GSG1L: variants seen among roughly 807,000 people sequenced by gnomAD.
The protein encoded by GSG1L is GSG1 like, also known as germ cell-specific gene 1-like protein.
GSG1L carries 24 observed loss-of-function variants against 42.1 expected under a neutral mutation model. The ratio of observed to expected loss-of-function variants is 0.57; its 90% CI spans 0.41 to 0.80. The LOEUF (loss-of-function observed/expected upper bound fraction) is 0.80. Among genes scored for constraint, GSG1L ranks in the 30% least tolerant of loss-of-function variants. The probability of loss-of-function intolerance (pLI) is 0.00; values close to 1 mark genes in which losing one functional copy is unlikely to be tolerated. For missense variants in GSG1L, 445 were observed against 472.2 expected (o/e 0.94, Z 0.53); for synonymous variants, 215 against 203.5 (o/e 1.06, Z -0.48).
intron 2 of GSG1L, among the ~76,000 whole-genome samples, chr16:27,932,278 C>G (rs909453476): frequency 6.6e-6 from 1 of 152,096 alleles, no homozygotes; most frequent in Non-Finnish European, 1.5e-5. Context: ...GTCTTGAACT[C>G]CTGACCTCAA....
chr16:27,985,376 ACCT>A (rs2085369697), intron 1 of GSG1L, among the ~76,000 whole-genome samples: 1 of 151,454 alleles, frequency 6.6e-6, no homozygotes, highest in Non-Finnish European at 1.5e-5. Context: ...AAGAGCCTGC[ACCT>A]CCTCCTCTCT....
chr16:28,015,324 C>G (rs898997870), intron 1 of GSG1L, among the ~76,000 whole-genome samples: 13 of 152,198 alleles, frequency 8.5e-5, no homozygotes, highest in Non-Finnish European at 1.6e-4. Context: ...GGCAACATAG[C>G]AAGACCCCTG....
chr16:27,948,488 C>G (rs954678700), intron 2 of GSG1L, among the ~76,000 whole-genome samples: 2 of 152,140 alleles, frequency 1.3e-5, no homozygotes, highest in Non-Finnish European at 2.9e-5. Flanking sequence ...ATTCTCCTGC[C>G]TTGGCCTCCC....
At chr16:28,053,274 C>A (rs1276988844) in intron 1 of GSG1L, among the ~76,000 whole-genome samples, 1 of 152,240 alleles carries the variant, frequency 6.6e-6, no homozygotes, top group East Asian at 1.9e-4. Context: ...GTGTGAATGA[C>A]TAATAAAAAT....
intron 1 of GSG1L, among the ~76,000 whole-genome samples, chr16:27,973,439 C>CAAAAAAAAAAAAAAAAAAAAAAAAAAA: frequency 3.4e-5 from 1 of 29,848 alleles, no homozygotes; most frequent in Non-Finnish European, 6.0e-5. Flanking sequence ...GACCCCATCA[C>CAAAAAAAAAAAAAAAAAAAAAAAAAAA]AAAAAAAAAA....
intron 1 of GSG1L, among the ~76,000 whole-genome samples, chr16:27,963,439 G>A (rs1169265183): frequency 6.6e-6 from 1 of 151,930 alleles, no homozygotes; most frequent in African/African-American, 2.4e-5. Flanking sequence ...CCACCTCCAC[G>A]ATAGCAACCT....
At chr16:27,959,867 G>A (rs1281990861) in intron 2 of GSG1L, among the ~76,000 whole-genome samples, 3 of 152,142 alleles carry the variant, frequency 2.0e-5, no homozygotes, top group African/African-American at 7.2e-5. Flanking sequence ...ATTGTGGCAG[G>A]AATCCGGATA....
chr16:27,849,203 G>GCCCCC (rs1567485061), intron 3 of GSG1L, among the ~76,000 whole-genome samples: 6 of 79,926 alleles, frequency 7.5e-5, no homozygotes, highest in African/African-American at 2.4e-4. Flanking sequence ...ATCCCAAAAA[G>GCCCCC]AAAAAAAAAA....
At chr16:28,029,685 A>G (rs1210028653) in intron 1 of GSG1L, among the ~76,000 whole-genome samples, 1 of 152,130 alleles carries the variant, frequency 6.6e-6, no homozygotes, top group African/African-American at 2.4e-5. Flanking sequence ...ATGAGTGGTC[A>G]TGGACAGATG....
chr16:27,889,752 C>CT (rs1482850715), intron 2 of GSG1L, among the ~76,000 whole-genome samples: 1 of 152,192 alleles, frequency 6.6e-6, no homozygotes, highest in Non-Finnish European at 1.5e-5. Flanking sequence ...CTTCCCTGTC[C>CT]TACAGCTTCA....
chr16:28,060,412 C>T (rs778220561), intron 1 of GSG1L, among the ~76,000 whole-genome samples: 1 of 152,126 alleles, frequency 6.6e-6, no homozygotes, highest in South Asian at 2.1e-4. Context: ...CCAGCACTGA[C>T]AAGCTGATAA....
chr16:27,825,829 C>T (rs545368701), intron 5 of GSG1L, among the ~76,000 whole-genome samples: 7 of 152,262 alleles, frequency 4.6e-5, no homozygotes, highest in East Asian at 1.9e-4. Flanking sequence ...CCACTTTGCT[C>T]GGCATTTCTC....
At chr16:27,885,494 C>A (rs376396494) in intron 2 of GSG1L, among the ~76,000 whole-genome samples, 2 of 152,214 alleles carry the variant, frequency 1.3e-5, no homozygotes, top group African/African-American at 4.8e-5. Flanking sequence ...AGCAGGCTTG[C>A]CCTCAAGGGT....
intron 2 of GSG1L, among the ~76,000 whole-genome samples, chr16:27,937,283 G>C (rs2141079021): frequency 6.6e-6 from 1 of 151,948 alleles, no homozygotes. Flanking sequence ...TGTCATCCAG[G>C]CTGGAGTGCA....
chr16:28,056,076 A>C (rs574736419), intron 1 of GSG1L, among the ~76,000 whole-genome samples: 190 of 152,292 alleles, frequency 1.2e-3, no homozygotes, highest in Non-Finnish European at 2.1e-3. Flanking sequence ...TGCCCACAGA[A>C]GCCCTGAGAA....
chr16:27,946,575 AAGAAAGAGAGAGAGAGAGAGAGAGAGAG>A lies in GSG1L; in HGVS notation c.397+16553_397+16580del, dbSNP rs1212619423. ...AAAGAAAGAAAGAAAGAAAGAAAGA[AAGAAAGAGAGAGAGAGAGAGAGAGAGAG>A]AGAGAGAGAGAGAGAGAGAGAGAGA... is the stretch of plus-strand genomic sequence containing the variant. On this transcript the variant is annotated intron_variant, in intron 2 of 6. Transcript: ENST00000447459. Among the ~76,000 whole-genome samples, 100 of 25,418 alleles carry A rather than the reference AAGAAAGAGAGAGAGAGAGAGAGAGAGAG, an allele frequency of 3.9e-3. 1 individual carries two copies. The highest frequency in any genetic ancestry group is 4.8e-3 in the Non-Finnish European group (61 of 12,782). 16.7% of individuals were successfully genotyped at this position (25,418 alleles called of 152,430 possible).
intron 2 of GSG1L, among the ~76,000 whole-genome samples, chr16:27,930,651 T>A (rs1396110825): frequency 1.3e-5 from 2 of 152,212 alleles, no homozygotes; most frequent in Admixed American, 6.5e-5. Flanking sequence ...GTAGACATTG[T>A]CCCTGAGAAT....
At chr16:27,971,507 T>C (rs1419081601) in intron 1 of GSG1L, among the ~76,000 whole-genome samples, 1 of 152,236 alleles carries the variant, frequency 6.6e-6, no homozygotes, top group Admixed American at 6.5e-5. Context: ...TAAACTGCAA[T>C]CTTGCTGAAC....
intron 1 of GSG1L, among the ~76,000 whole-genome samples, chr16:27,993,866 A>G (rs987796771): frequency 1.3e-5 from 2 of 152,230 alleles, no homozygotes; most frequent in African/African-American, 4.8e-5. Context: ...GGAACAAAGC[A>G]ATATGCAGTA....
Sources: gnomAD v4.1 joint callset for allele counts (sites outside exome capture counted in the v4.1 genomes callset) on GRCh38, gnomAD v4.1.1 for gene constraint, MANE v1.5 for transcripts, NCBI Gene and HGNC (gene_info 2026-07-23, HGNC 2026-07-21) for gene names.